Variants in PLXND1 observed in about 807,000 individuals in gnomAD.
PLXND1 encodes plexin-D1.
In PLXND1, 54 loss-of-function variants were observed where a neutral mutation model predicts 197.7. That is an observed-to-expected ratio of 0.27 (90% CI 0.22 to 0.34). PLXND1 has a LOEUF of 0.34. Among genes scored for constraint, PLXND1 ranks in the 10% least tolerant of loss-of-function variants. The pLI is 1.00. For missense variants in PLXND1, 2,127 were observed against 2,699.2 expected, an observed-to-expected ratio of 0.79 and a Z score of 4.70; for synonymous variants, 1,180 against 1,161.2, an observed-to-expected ratio of 1.02 and a Z score of -0.33.
At chr3:129,581,930 A>T (rs2085393569) in intron 8 of PLXND1, among the ~76,000 whole-genome samples, 1 of 152,236 alleles carries the variant, frequency 6.6e-6, no homozygotes, top group South Asian at 2.1e-4. Flanking sequence ...CCTGCTGTGT[A>T]CACAACCCTG....
chr3:129,557,192 T>A lies in PLXND1; in HGVS notation c.5477A>T (p.Lys1826Met). 1 of 1,614,144 alleles carries A rather than the reference T, an allele frequency of 6.2e-7. No individual in the cohort carries two copies. The highest frequency in any genetic ancestry group is 8.5e-7 in the Non-Finnish European group (1 of 1,180,016). ...DSPTNKLLYA[K>M]EIPEYRKIVQ... The stretch of plus-strand genomic sequence containing the variant: ...GATCTTCCGGTACTCAGGAATCTCC[T>A]TGGCGTAGAGGAGCTTGTTGGTTGG... The change falls in exon 34 of 36, where the codon AAG (lysine) becomes ATG (methionine). Residue 1826 changes from lysine (K) to methionine (M), a missense_variant. Lys to Met is a moderately conservative substitution (Grantham distance 95). Around this residue, in one of 6 missense-constraint regions of PLXND1, gnomAD observed 200 missense variants for 303.3 expected, o/e 0.66. Coordinates refer to ENST00000324093, the MANE Select transcript of PLXND1 (RefSeq NM_015103.3). The surrounding 1 kb of genome is among the most constrained non-coding windows in gnomAD (Gnocchi z 4.8).
At chr3:129,583,486 A>G in intron 8 of PLXND1, 81 bp downstream of exon 8, 1 of 889,718 alleles carries the variant, frequency 1.1e-6, no homozygotes, top group South Asian at 1.5e-5. Flanking sequence ...ATGCAAAGGC[A>G]TTGAAACATT....
rs2085784835 is a variant in PLXND1, at chr3:129,605,879, G to A, written c.761C>T (p.Thr254Ile). 1 of 1,613,726 alleles carries A rather than the reference G, an allele frequency of 6.2e-7. No individual in the cohort carries two copies. Among genetic ancestry groups the A allele is most frequent in the Non-Finnish European group, 8.5e-7 (1 of 1,179,922 alleles). ...GTCGTCGGAGGGGTTGAGGTCGAAG[G>A]TGAAGAGCTTGGCCAGGTCGCCGCG... is the stretch of plus-strand genomic sequence containing the variant. ...DTRGDLAKLF[T>I]FDLNPSDDNI... Residue 254 changes from threonine to isoleucine, a missense_variant, in exon 1 of 36, where the codon ACC becomes ATC. By Grantham distance (89) the Thr-to-Ile change is moderately conservative. Coordinates refer to ENST00000324093, the MANE Select transcript of PLXND1 (RefSeq NM_015103.3).
At position 129,562,799 on chromosome 3, in the gene PLXND1, C is replaced by T. The variant is rs1261365512; in HGVS notation, c.4813G>A (p.Asp1605Asn). The T allele has an allele frequency of 1.2e-6, 2 of 1,600,188 alleles. No homozygotes were observed. The highest frequency in any genetic ancestry group is 1.7e-6 in the Non-Finnish European group (2 of 1,168,590). The change falls in exon 27 of 36, where the codon GAC becomes AAC. Residue 1605 changes from aspartate to asparagine, a missense_variant. By Grantham distance (23) the Asp-to-Asn change is conservative. This residue lies in a region of PLXND1 where 532 missense variants were observed against 811.0 expected (regional missense o/e 0.66). Transcript: ENST00000324093. ...CATTCCCACCCACCAAGGTCGACGT[C>T]CTCTGCACGCGGCCACTGGGAGTAG... is the stretch of plus-strand genomic sequence containing the variant. Reference protein sequence around the residue: ...VPYSQWPRAEDVDLEWFASST... With the variant: ...VPYSQWPRAENVDLEWFASST...
rs1021645081 is a variant in PLXND1 at position 129,557,630 on chromosome 3, C to T, written c.5446-407G>A. On this transcript the variant is annotated intron_variant, in intron 33 of 35. Coordinates refer to ENST00000324093, the MANE Select transcript of PLXND1 (RefSeq NM_015103.3). The surrounding 1 kb of genome is among the most constrained non-coding windows in gnomAD (Gnocchi z 4.8). ...GCTGGCTCAGTGGAATATTTCCCACCACATGCTCCTAACGCCTGAAAGAAG... is the reference window on the plus strand; with the variant it reads ...GCTGGCTCAGTGGAATATTTCCCACTACATGCTCCTAACGCCTGAAAGAAG... 6.6e-6 allele frequency among the ~76,000 whole-genome samples: 1 copy of T among 152,122 alleles called. No homozygotes were observed. Among genetic ancestry groups the T allele is most frequent in the African/African-American group, 2.4e-5 (1 of 41,424 alleles).
Position 129,557,054 on chromosome 3 carries a change from C to T in PLXND1, c.5586+29G>A. 14 of 1,611,336 alleles carry T rather than the reference C, an allele frequency of 8.7e-6. No homozygotes were observed. Among genetic ancestry groups the T allele is most frequent in the Non-Finnish European group, 1.2e-5 (14 of 1,179,440 alleles). ...CCCCCGATCCCTCAGCTCTTCAGGCCCCCATCCCCCGCCGCCGAGCCACCG... is the reference window on the plus strand; with the variant it reads ...CCCCCGATCCCTCAGCTCTTCAGGCTCCCATCCCCCGCCGCCGAGCCACCG... On this transcript the variant is annotated intron_variant, in intron 34 of 35. Transcript: ENST00000324093. This position sits in a 1 kb window ranked among gnomAD's most constrained non-coding sequence, Gnocchi z 4.8.
Position 129,586,654 on chromosome 3 carries a change from G to A in PLXND1, c.1554C>T (p.Pro518=), listed in dbSNP as rs367614889. The A allele has an allele frequency of 1.5e-5, 23 of 1,585,460 alleles. No individual in the cohort carries two copies. Among genetic ancestry groups the A allele is most frequent in the Middle Eastern group, 1.7e-4 (1 of 6,050 alleles). The change falls in exon 3 of 36, where the codon CCC becomes CCT. Residue 518 remains proline (P), a synonymous_variant. Coordinates refer to ENST00000324093, the MANE Select transcript of PLXND1 (RefSeq NM_015103.3). ...RRVVTVAYGE[P]VHHVMQFDPA... Reference sequence around the variant, plus strand: ...GGTCAAACTGCATGACATGGTGCACGGGCTCCCCATAGGCCACAGTCACCA... The same window carrying A: ...GGTCAAACTGCATGACATGGTGCACAGGCTCCCCATAGGCCACAGTCACCA...
rs1385825131 is a variant in PLXND1, at chr3:129,575,496, A to T, written c.2503T>A (p.Phe835Ile). 2.6e-6 allele frequency: 4 copies of T among 1,554,788 alleles called. No individual in the cohort carries two copies. Among genetic ancestry groups the T allele is most frequent in the Non-Finnish European group, 3.5e-6 (4 of 1,148,534 alleles). ...GTCATGGGCTCAGGGCTGTCCAGGA[A>T]TCGGGCTGGCCGCCCCTTTAGTTGG... ...SLQLKGRPAR[F>I]LDSPEPMTVM... The change falls in exon 11 of 36, where the codon TTC (phenylalanine) becomes ATC (isoleucine). Residue 835 changes from phenylalanine (F) to isoleucine (I), a missense_variant. Around this residue, in one of 6 missense-constraint regions of PLXND1, gnomAD observed 1,095 missense variants for 1,259.8 expected, o/e 0.87. Coordinates refer to ENST00000324093, the MANE Select transcript of PLXND1 (RefSeq NM_015103.3).
intron 22 of PLXND1, among the ~76,000 whole-genome samples, chr3:129,567,013 G>A (rs1174679474): frequency 1.3e-5 from 2 of 152,154 alleles, no homozygotes; most frequent in Non-Finnish European, 2.9e-5. Flanking sequence ...ACAGGGGAGA[G>A]AGGGTGGTAC....
chr3:129,588,671 G>A (rs1337765479), intron 2 of PLXND1, among the ~76,000 whole-genome samples: 1 of 152,270 alleles, frequency 6.6e-6, no homozygotes, highest in East Asian at 1.9e-4. Flanking sequence ...TAGAGTGGTG[G>A]CGCTTAGCTT....
chr3:129,606,388 G>A lies in PLXND1; in HGVS notation c.252C>T (p.Gly84=). The A allele has an allele frequency of 6.6e-7, 1 of 1,512,270 alleles. No homozygotes were observed. The highest frequency in any genetic ancestry group is 2.6e-5 in the East Asian group (1 of 37,920). 93.7% of individuals were successfully genotyped at this position (1,512,270 alleles called of 1,614,324 possible). A position where few individuals can be genotyped will look rare whatever the true frequency, so the allele number is the denominator to read the frequency against. The change falls in exon 1 of 36, where the codon GGC becomes GGT. Residue 84 remains glycine, a synonymous_variant. Transcript: ENST00000324093. ...CCTCGGCCTCCAGGCTCAGGTTGGC[G>A]CCCGACAGCTGATAGAGGCGGTTGA... ...AAVNRLYQLS[G]ANLSLEAEAA...
At chr3:129,599,269 T>A (rs932497929) in intron 1 of PLXND1, among the ~76,000 whole-genome samples, 6 of 152,230 alleles carry the variant, frequency 3.9e-5, no homozygotes, top group African/African-American at 1.4e-4. Context: ...CCGGGCCCGA[T>A]GCGCGTGGCC....
chr3:129,604,934 A>T (rs2085761433), intron 1 of PLXND1, among the ~76,000 whole-genome samples: 1 of 152,228 alleles, frequency 6.6e-6, no homozygotes, highest in South Asian at 2.1e-4. Flanking sequence ...TGACAGGCTC[A>T]CGCAGTGGCC....
In PLXND1 at chr3:129,562,960, GGAGA is replaced by G. The variant is rs1463906311; in HGVS notation, c.4669-21_4669-18del. 1.2e-6 allele frequency: 2 copies of G among 1,601,986 alleles called. No individual in the cohort carries two copies. Among genetic ancestry groups the G allele is most frequent in the Admixed American group, 1.7e-5 (1 of 59,674 alleles). Reference sequence around the variant, plus strand: ...GTTCAGGTTCTGCAGGGGGAGAGTGGGAGAGAAAGGTCAGTGAGTTGCTGCCATC... The same window carrying G: ...GTTCAGGTTCTGCAGGGGGAGAGTGGGAAAGGTCAGTGAGTTGCTGCCATC... On this transcript the variant is annotated intron_variant, in intron 26 of 35. Coordinates refer to ENST00000324093, the MANE Select transcript of PLXND1 (RefSeq NM_015103.3).
At chr3:129,583,734 A>G in intron 7 of PLXND1, 65 bp from the exon 8 acceptor site, 1 of 1,073,840 alleles carries the variant, frequency 9.3e-7, no homozygotes, top group East Asian at 2.6e-5. Flanking sequence ...TGTCCCAGGA[A>G]CTAGAACCCA....
At position 129,557,357 on chromosome 3, in the gene PLXND1, C is replaced by T. The variant is rs920344016; in HGVS notation, c.5446-134G>A. ...CCCCCGAGGCCCAAAGAGTCTCACC[C>T]GGTCACTGAACGTCCCCGCACTCAG... On this transcript the variant is annotated intron_variant, in intron 33 of 35. Transcript: ENST00000324093. This position sits in a 1 kb window ranked among gnomAD's most constrained non-coding sequence, Gnocchi z 4.8. 25 of 963,406 alleles carry T rather than the reference C, an allele frequency of 2.6e-5. No individual in the cohort carries two copies. In the South Asian group the frequency reaches 2.9e-4, roughly 11 times the overall value. The allele number at this position is 963,406 out of a possible 1,614,324, so 59.7% of individuals were successfully genotyped here. A position where few individuals can be genotyped will look rare whatever the true frequency, so the allele number is the denominator to read the frequency against.
At chr3:129,586,397 G>T in intron 3 of PLXND1, 125 bp from the exon 4 acceptor site, 2 of 1,010,620 alleles carry the variant, frequency 2.0e-6, no homozygotes, top group South Asian at 1.5e-5. Flanking sequence ...TCTAATGGGG[G>T]AACATGGGAG....
At position 129,577,222 on chromosome 3, in the gene PLXND1, C is replaced by T. The variant is rs2085325438; in HGVS notation, c.2346+1107G>A. Among the ~76,000 whole-genome samples, 1 of 152,170 alleles carries T rather than the reference C, an allele frequency of 6.6e-6. No individual in the cohort carries two copies. Among genetic ancestry groups the T allele is most frequent in the African/African-American group, 2.4e-5 (1 of 41,430 alleles). On this transcript the variant is annotated intron_variant, in intron 9 of 35. Coordinates refer to ENST00000324093, the MANE Select transcript of PLXND1 (RefSeq NM_015103.3). This position sits in a 1 kb window ranked among gnomAD's most constrained non-coding sequence, Gnocchi z 5.0. ...TGTAGGCTCAGCAAACAGGCCCCCA[C>T]CGCTGGGCCTGACTTCAGTGTTCTA...
chr3:129,566,063 C>G, intron 23 of PLXND1, 46 bp from the exon 24 acceptor site: 1 of 1,607,262 alleles, frequency 6.2e-7, no homozygotes, highest in Non-Finnish European at 8.5e-7. Flanking sequence ...GCCCAGTGTC[C>G]CTGCCTAGCC....
Sources: gnomAD v4.1 joint callset for allele counts (sites outside exome capture counted in the v4.1 genomes callset) on GRCh38, gnomAD v4.1.1 for gene constraint, gnomAD v4.1.1 regional missense constraint, Gnocchi (gnomAD v3.1) non-coding constraint, MANE v1.5 for transcripts, NCBI Gene and HGNC (gene_info 2026-07-23, HGNC 2026-07-21) for gene names.